TTLL7: variants seen among roughly 807,000 people sequenced by gnomAD.
TTLL7 encodes the protein tubulin polyglutamylase TTLL7.
A neutral mutation model predicts 120.2 loss-of-function variants in TTLL7; 53 were observed. The observed-to-expected ratio is 0.44, with a 90% CI of 0.35 to 0.55. The LOEUF (loss-of-function observed/expected upper bound fraction) is 0.55, where lower values mean the gene tolerates loss of function less well. TTLL7 is among the 20% of genes least tolerant of loss of function. The probability of loss-of-function intolerance (pLI) is 0.00; values close to 1 mark genes in which losing one functional copy is unlikely to be tolerated. For missense variants in TTLL7, 803 were observed against 1,054.7 expected, an observed-to-expected ratio of 0.76 and a Z score of 3.31; for synonymous variants, 353 against 351.7, an observed-to-expected ratio of 1.00 and a Z score of -0.04.
chr1:83,884,624 G>GT (rs1654815502), intron 19 of TTLL7, among the ~76,000 whole-genome samples: 1 of 149,284 alleles, frequency 6.7e-6, no homozygotes, highest in Admixed American at 6.8e-5. Flanking sequence ...AAATACTGGT[G>GT]TTTTTTCCAA....
chr1:83,944,077 G>A (rs1331569342), intron 6 of TTLL7, among the ~76,000 whole-genome samples: 1 of 152,024 alleles, frequency 6.6e-6, no homozygotes, highest in Non-Finnish European at 1.5e-5. Context: ...CAGAAAACTT[G>A]AGGATAAGCC....
rs1571282777 is a variant in TTLL7, at chr1:83,949,839, C to T, written c.279+26G>A. On this transcript the variant is annotated intron_variant, in intron 4 of 20. Coordinates refer to ENST00000260505, the MANE Select transcript of TTLL7 (RefSeq NM_024686.6). Reference sequence around the variant, plus strand: ...AATCCATATAACTTTCCTCATACCACTAACTGGTCATGATTAATTTCCTAC... The same window carrying T: ...AATCCATATAACTTTCCTCATACCATTAACTGGTCATGATTAATTTCCTAC... 4 of 1,612,130 alleles carry T rather than the reference C, an allele frequency of 2.5e-6. No homozygotes were observed. The East Asian group carries it at 8.9e-5, about 36-fold the overall frequency.
At chr1:83,897,864 T>C (rs1390883731) in intron 18 of TTLL7, among the ~76,000 whole-genome samples, 1 of 60,834 alleles carries the variant, frequency 1.6e-5, no homozygotes, top group East Asian at 3.3e-4. Context: ...GTGTTTTCCA[T>C]TAAAAAAAAA....
At chr1:83,962,705 G>C (rs1254957343) in intron 1 of TTLL7, among the ~76,000 whole-genome samples, 1 of 152,084 alleles carries the variant, frequency 6.6e-6, no homozygotes, top group East Asian at 1.9e-4. Context: ...AAGTTGTTGA[G>C]CAGGACTTCC....
At chr1:83,887,959 C>T (rs1655099403) in intron 19 of TTLL7, among the ~76,000 whole-genome samples, 1 of 151,916 alleles carries the variant, frequency 6.6e-6, no homozygotes. Context: ...CCTATGATTA[C>T]TAGTACTAAT....
intron 1 of TTLL7, among the ~76,000 whole-genome samples, chr1:83,964,438 C>T (rs1650271954): frequency 6.6e-6 from 1 of 152,104 alleles, no homozygotes; most frequent in South Asian, 2.1e-4. Context: ...TTGACCTCTA[C>T]CTTCCCTTCT....
At chr1:83,945,443 C>T (rs567034498) in intron 6 of TTLL7, among the ~76,000 whole-genome samples, 8 of 152,102 alleles carry the variant, frequency 5.3e-5, no homozygotes, top group Non-Finnish European at 1.2e-4. Context: ...TGCCTAATAA[C>T]GGAGTTCCAA....
At chr1:83,997,908 AT>A (rs1265939414) in intron 1 of TTLL7, among the ~76,000 whole-genome samples, 1 of 152,142 alleles carries the variant, frequency 6.6e-6, no homozygotes, top group Non-Finnish European at 1.5e-5. Flanking sequence ...TTGTTCACAT[AT>A]TTTTTGCCAT....
intron 17 of TTLL7, 152 bp downstream of exon 17, chr1:83,906,177 C>G (rs1342124204): frequency 7.8e-6 from 5 of 637,176 alleles, no homozygotes; most frequent in Non-Finnish European, 1.3e-5. Context: ...AAATAAACCC[C>G]TGTATTTTCT....
At chr1:83,887,636 G>A (rs1655073977) in intron 19 of TTLL7, among the ~76,000 whole-genome samples, 1 of 152,098 alleles carries the variant, frequency 6.6e-6, no homozygotes. Context: ...GTAGGCTAGG[G>A]ATTTGGCTAA....
At position 83,932,569 on chromosome 1, in the gene TTLL7, GCA is replaced by G. The variant is rs35245320; in HGVS notation, c.1047+1037_1047+1038del. ...TAGATGTGACCACACATAGGCGCGC[GCA>G]CACACACACACACACACAATCTTTG... On this transcript the variant is annotated intron_variant, in intron 9 of 20. Transcript: ENST00000260505. Among the ~76,000 whole-genome samples, 77 of 150,052 alleles carry G rather than the reference GCA, an allele frequency of 5.1e-4. 1 individual carries two copies. The highest frequency in any genetic ancestry group is 2.0e-3 in the Admixed American group (30 of 15,032).
intron 4 of TTLL7, chr1:83,949,072 C>G (rs1444041329): frequency 6.2e-6 from 1 of 160,612 alleles, no homozygotes; most frequent in Non-Finnish European, 1.4e-5. Context: ...ATATTACCTT[C>G]TAAACTAATA....
intron 5 of TTLL7, chr1:83,947,486 A>C: frequency 3.3e-6 from 1 of 298,812 alleles, no homozygotes; most frequent in Non-Finnish European, 6.0e-6. Flanking sequence ...TTCATCAGTG[A>C]AAAAAAAAAA....
chr1:83,949,979 T>A lies in TTLL7; in HGVS notation c.165A>T (p.Leu55Phe). The change falls in exon 4 of 21, where the codon TTA becomes TTT. Residue 55 changes from leucine to phenylalanine, a missense_variant. By Grantham distance (22) the Leu-to-Phe change is conservative. Coordinates refer to ENST00000260505, the MANE Select transcript of TTLL7 (RefSeq NM_024686.6). ...VAGTKFEIVR[L>F]VIDEMGFMKT... is the part of the protein sequence containing the mutation. ...TCATAAATCCCATTTCATCTATTAC[T>A]AAACGAACTGCAAGTAAACAGTTAA... 6.2e-7 allele frequency: 1 copy of A among 1,611,258 alleles called. No individual in the cohort carries two copies. The highest frequency in any genetic ancestry group is 1.1e-5 in the South Asian group (1 of 90,400).
chr1:83,882,983 A>C lies in TTLL7; in HGVS notation c.2523T>G (p.Gly841=). The change falls in exon 20 of 21, where the codon GGT becomes GGG. Residue 841 remains glycine, a synonymous_variant. Transcript: ENST00000260505. The part of the protein sequence containing the change: ...TDKRGSLSGI[G]PDWGNSRYLL... ...AGTACCTGGAATTACCCCAGTCAGG[A>C]CCAATGCCTGAAAGTGATCCTCTTT... 6.2e-7 allele frequency: 1 copy of C among 1,612,414 alleles called. No homozygotes were observed. Among genetic ancestry groups the C allele is most frequent in the East Asian group, 2.2e-5 (1 of 44,824 alleles).
intron 1 of TTLL7, among the ~76,000 whole-genome samples, chr1:83,962,540 T>C (rs190871140): frequency 4.3e-4 from 65 of 152,284 alleles, no homozygotes; most frequent in South Asian, 3.7e-3. Flanking sequence ...CAAAGACAAC[T>C]AGCTCCTTAC....
chr1:83,904,806 C>G (rs1657042433), intron 17 of TTLL7, among the ~76,000 whole-genome samples: 1 of 152,052 alleles, frequency 6.6e-6, no homozygotes, highest in Non-Finnish European at 1.5e-5. Context: ...GAGAATTCTA[C>G]TACTTTGTTT....
At chr1:83,892,930 GA>G (rs1553129448) in intron 18 of TTLL7, among the ~76,000 whole-genome samples, 4 of 94,880 alleles carry the variant, frequency 4.2e-5, no homozygotes, top group Non-Finnish European at 7.5e-5. Flanking sequence ...AAGAAAAAGA[GA>G]AAGAAAGAAA....
intron 9 of TTLL7, among the ~76,000 whole-genome samples, chr1:83,929,860 C>A (rs1024296832): frequency 2.6e-5 from 4 of 152,082 alleles, no homozygotes; most frequent in African/African-American, 9.7e-5. Context: ...TAGAACACTG[C>A]TGAGTTCAAC....
Sources: gnomAD v4.1 joint callset for allele counts (sites outside exome capture counted in the v4.1 genomes callset) on GRCh38, gnomAD v4.1.1 for gene constraint, MANE v1.5 for transcripts, NCBI Gene and HGNC (gene_info 2026-07-23, HGNC 2026-07-21) for gene names.